FMNL2: variants seen among roughly 807,000 people sequenced by gnomAD.
FMNL2 encodes the protein formin like 2, also known as formin-like protein 2.
FMNL2 carries 51 observed loss-of-function variants against 130.2 expected under a neutral mutation model. The observed-to-expected ratio is 0.39, with a 90% confidence interval of 0.31 to 0.49. The LOEUF (loss-of-function observed/expected upper bound fraction) is 0.49, where lower values mean the gene tolerates loss of function less well. Ranked by LOEUF, FMNL2 falls within the 20% of genes least tolerant of loss-of-function variation. The pLI is 0.85. For missense variants in FMNL2, 977 were observed against 1,316.2 expected (o/e 0.74, Z 3.99); for synonymous variants, 465 against 467.1 (o/e 1.00, Z 0.06).
intron 1 of FMNL2, among the ~76,000 whole-genome samples, chr2:152,393,501 T>A (rs1172618835): frequency 2.0e-5 from 3 of 152,222 alleles, no homozygotes; most frequent in Non-Finnish European, 2.9e-5. Flanking sequence ...GTAAAACATA[T>A]TTAGAGTGCC....
At chr2:152,463,718 G>A (rs1689372272) in intron 1 of FMNL2, among the ~76,000 whole-genome samples, 1 of 152,218 alleles carries the variant, frequency 6.6e-6, no homozygotes, top group Non-Finnish European at 1.5e-5. Flanking sequence ...GTAGCTTTCA[G>A]ACCATCCCCT....
chr2:152,633,546 A>C (rs1335008955), intron 21 of FMNL2, among the ~76,000 whole-genome samples: 2 of 152,214 alleles, frequency 1.3e-5, no homozygotes. Flanking sequence ...ATGCTGCAGA[A>C]GCTGTGGTGG....
At chr2:152,614,066 T>TA (rs1160184228) in intron 11 of FMNL2, among the ~76,000 whole-genome samples, 9 of 152,286 alleles carry the variant, frequency 5.9e-5, no homozygotes, top group Admixed American at 1.3e-4. Context: ...AGGCTAAGTA[T>TA]AAACTCTGTC....
chr2:152,517,375 C>T (rs1247342564), intron 1 of FMNL2, among the ~76,000 whole-genome samples: 2 of 152,190 alleles, frequency 1.3e-5, no homozygotes, highest in African/African-American at 4.8e-5. Flanking sequence ...TAATGCCTAC[C>T]GTTTGCCATA....
intron 11 of FMNL2, among the ~76,000 whole-genome samples, chr2:152,613,145 G>A (rs1698775218): frequency 6.6e-6 from 1 of 152,152 alleles, no homozygotes; most frequent in South Asian, 2.1e-4. Context: ...TGTTTGAATT[G>A]CTTTCCTTTT....
At chr2:152,363,544 A>C (rs1047335578) in intron 1 of FMNL2, among the ~76,000 whole-genome samples, 1 of 150,958 alleles carries the variant, frequency 6.6e-6, no homozygotes, top group Non-Finnish European at 1.5e-5. Context: ...TGGCAGGCTC[A>C]GTGAGTTTTT....
At chr2:152,413,658 A>G (rs1281590012) in intron 1 of FMNL2, among the ~76,000 whole-genome samples, 2 of 152,224 alleles carry the variant, frequency 1.3e-5, no homozygotes, top group Non-Finnish European at 2.9e-5. Flanking sequence ...GCAGGGTCTA[A>G]TGTGCATATG....
intron 8 of FMNL2, among the ~76,000 whole-genome samples, chr2:152,579,644 G>A (rs1293827611): frequency 1.3e-5 from 2 of 152,180 alleles, no homozygotes; most frequent in Non-Finnish European, 2.9e-5. Context: ...GTTGCAGTGA[G>A]CCGAGATCGC....
chr2:152,379,185 C>CT (rs976773580), intron 1 of FMNL2, among the ~76,000 whole-genome samples: 12 of 152,216 alleles, frequency 7.9e-5, no homozygotes, highest in African/African-American at 2.9e-4. Context: ...TGCAGTGTGT[C>CT]TGTGTACTAG....
chr2:152,427,055 A>G (rs975721117), intron 1 of FMNL2, among the ~76,000 whole-genome samples: 13 of 152,182 alleles, frequency 8.5e-5, no homozygotes, highest in Admixed American at 2.0e-4. Context: ...AACTCCTCGT[A>G]GGAGAGGATT....
At chr2:152,440,486 T>C (rs186384719) in intron 1 of FMNL2, among the ~76,000 whole-genome samples, 2 of 152,344 alleles carry the variant, frequency 1.3e-5, no homozygotes, top group East Asian at 3.9e-4. Context: ...CTTGACTGTG[T>C]TTAGGGTCAG....
rs368960168 is a variant in FMNL2, at chr2:152,380,331, C to T, written c.117+44611C>T. On this transcript the variant is annotated intron_variant, in intron 1 of 25. Transcript: ENST00000288670. Reference sequence around the variant, plus strand: ...TTGGAAAGCTTTTTGCTTGTGGTGACGTAGCAACTGAAATATTTTGTAAAA... The same window carrying T: ...TTGGAAAGCTTTTTGCTTGTGGTGATGTAGCAACTGAAATATTTTGTAAAA... Among the ~76,000 whole-genome samples the T allele has an allele frequency of 8.5e-5, 13 of 152,294 alleles. No homozygotes were observed. The East Asian group carries it at 9.6e-4, about 11-fold the overall frequency.
chr2:152,608,136 T>G (rs1698475245), intron 10 of FMNL2, among the ~76,000 whole-genome samples: 1 of 152,066 alleles, frequency 6.6e-6, no homozygotes, highest in African/African-American at 2.4e-5. Flanking sequence ...TGCACCCAGA[T>G]CTGTAGGCGT....
At chr2:152,424,056 A>G (rs1440379037) in intron 1 of FMNL2, among the ~76,000 whole-genome samples, 2 of 152,192 alleles carry the variant, frequency 1.3e-5, no homozygotes, top group Admixed American at 6.5e-5. Context: ...TGAGGCTGGT[A>G]TAGTCATTAA....
At chr2:152,468,760 T>G (rs1689693976) in intron 1 of FMNL2, among the ~76,000 whole-genome samples, 2 of 152,332 alleles carry the variant, frequency 1.3e-5, no homozygotes, top group African/African-American at 2.4e-5. Context: ...CAATGCTGTT[T>G]TAGAGCATAG....
At chr2:152,514,057 G>A (rs1692625832) in intron 1 of FMNL2, among the ~76,000 whole-genome samples, 1 of 152,124 alleles carries the variant, frequency 6.6e-6, no homozygotes, top group Admixed American at 6.6e-5. Context: ...GAATTGATGG[G>A]CAGGCCATGT....
At chr2:152,572,631 AT>A (rs886257331) in intron 6 of FMNL2, among the ~76,000 whole-genome samples, 80 of 122,390 alleles carry the variant, frequency 6.5e-4, no homozygotes, top group South Asian at 1.9e-3. Context: ...ACAAAAAAAA[AT>A]TTTTTTTAAT....
intron 1 of FMNL2, among the ~76,000 whole-genome samples, chr2:152,461,058 G>A (rs1480975516): frequency 6.6e-6 from 1 of 152,128 alleles, no homozygotes; most frequent in African/African-American, 2.4e-5. Context: ...TACCAGAAAG[G>A]TTGGGGGCTG....
chr2:152,517,714 A>G (rs1187643257), intron 1 of FMNL2, among the ~76,000 whole-genome samples: 1 of 152,250 alleles, frequency 6.6e-6, no homozygotes, highest in Non-Finnish European at 1.5e-5. Context: ...TAGAAAAACA[A>G]TAATTAACAT....
Sources: gnomAD v4.1 joint callset for allele counts (sites outside exome capture counted in the v4.1 genomes callset) on GRCh38, gnomAD v4.1.1 for gene constraint, MANE v1.5 for transcripts, NCBI Gene and HGNC (gene_info 2026-07-23, HGNC 2026-07-21) for gene names.